Variants in CFAP54 observed in about 807,000 individuals in gnomAD.
The protein encoded by CFAP54 is cilia- and flagella-associated protein 54.
Under a neutral mutation model 370.4 loss-of-function variants are expected in CFAP54, and 290 were observed. That is an observed-to-expected ratio of 0.78 (90% confidence interval 0.71 to 0.86). The LOEUF is 0.86. CFAP54 is among the 40% of genes least tolerant of loss of function. The pLI is 0.00. For missense variants in CFAP54, 3,399 were observed against 3,528.7 expected (o/e 0.96, Z 0.93); for synonymous variants, 1,206 against 1,236.5 (o/e 0.98, Z 0.52).
chr12:96,580,765 T>G, intron 21 of CFAP54, 76 bp downstream of exon 21: 1 of 1,149,464 alleles, frequency 8.7e-7, no homozygotes, highest in Non-Finnish European at 1.2e-6. Flanking sequence ...AGTCATTGTT[T>G]TGGTGAATCT....
At chr12:96,776,013 G>A (rs1403806936) in intron 60 of CFAP54, among the ~76,000 whole-genome samples, 1 of 152,078 alleles carries the variant, frequency 6.6e-6, no homozygotes, top group Non-Finnish European at 1.5e-5. Context: ...GTATTGATAT[G>A]TGGGGTATGT....
intron 47 of CFAP54, among the ~76,000 whole-genome samples, chr12:96,706,597 G>A (rs1480672867): frequency 6.6e-6 from 1 of 152,142 alleles, no homozygotes; most frequent in Non-Finnish European, 1.5e-5. Flanking sequence ...GCTGTTATCT[G>A]AGCAAAATGA....
chr12:96,792,404 C>T lies in CFAP54; in HGVS notation c.8755C>T (p.Pro2919Ser). The T allele has an allele frequency of 6.5e-7, 1 of 1,535,818 alleles. No homozygotes were observed. Among genetic ancestry groups the T allele is most frequent in the East Asian group, 2.4e-5 (1 of 40,888 alleles). The change falls in exon 63 of 68, where the codon CCA (proline) becomes TCA (serine). Residue 2919 changes from proline (P) to serine (S), a missense_variant. Pro to Ser is a moderately conservative substitution (Grantham distance 74). Around this residue, in one of 3 missense-constraint regions of CFAP54, gnomAD observed 2,796 missense variants for 2,869.7 expected, o/e 0.97. Coordinates refer to ENST00000524981, the MANE Select transcript of CFAP54 (RefSeq NM_001306084.2). ...AGGCTCATCTTGTGTGGACATAACGCCAATAGAAATGGTAACGCAAGCTTC... is the reference window on the plus strand; with the variant it reads ...AGGCTCATCTTGTGTGGACATAACGTCAATAGAAATGGTAACGCAAGCTTC... ...VSGSSCVDIT[P>S]IEMVTQASNK...
Position 96,685,200 on chromosome 12 carries a change from G to A in CFAP54, c.5976G>A (p.Gly1992=), listed in dbSNP as rs761930475. ...EEFLSRVGIW[G]CLQGAVISAK... ...TTCTGTCAAGAGTTGGCATCTGGGG[G>A]TGTTTGCAAGGAGCAGTCATATCAG... The change falls in exon 42 of 68, where the codon GGG becomes GGA. Residue 1992 remains glycine (G), a synonymous_variant. Coordinates refer to ENST00000524981, the MANE Select transcript of CFAP54 (RefSeq NM_001306084.2). 6 of 1,613,962 alleles carry A rather than the reference G, an allele frequency of 3.7e-6. No homozygotes were observed. The highest frequency in any genetic ancestry group is 3.3e-5 in the Admixed American group (2 of 59,992).
At chr12:96,552,876 TCCAATGAGGGG>T (rs1955710122) in intron 15 of CFAP54, among the ~76,000 whole-genome samples, 1 of 152,196 alleles carries the variant, frequency 6.6e-6, no homozygotes, top group African/African-American at 2.4e-5. Flanking sequence ...AAATTAGTCT[TCCAATGAGGGG>T]CATTTGCATG....
rs2077762 is a variant in CFAP54, at chr12:96,581,728, T to C, written c.3075+623T>C. Among the ~76,000 whole-genome samples, 1,265 of 152,086 alleles carry C rather than the reference T, an allele frequency of 8.3e-3. 24 individuals carry two copies. Among genetic ancestry groups the C allele is most frequent in the African/African-American group, 0.029 (1,221 of 41,516 alleles). On this transcript the variant is annotated intron_variant, in intron 22 of 67. Transcript: ENST00000524981. The stretch of plus-strand genomic sequence containing the variant: ...CGTGTATATGAATTTATGTACAATA[T>C]ATAATTTAAATCATAGTATACATAT...
intron 19 of CFAP54, among the ~76,000 whole-genome samples, chr12:96,565,908 G>A (rs961815688): frequency 6.6e-6 from 1 of 152,140 alleles, no homozygotes; most frequent in African/African-American, 2.4e-5. Flanking sequence ...GGGACGAGGT[G>A]GAGATAATTG....
chr12:96,825,103 T>A (rs1959071775), intron 65 of CFAP54, among the ~76,000 whole-genome samples: 1 of 150,548 alleles, frequency 6.6e-6, no homozygotes, highest in African/African-American at 2.4e-5. Context: ...CACTATTTTT[T>A]TCAAGGCTCA....
At chr12:96,572,072 C>T (rs1253245152) in intron 19 of CFAP54, among the ~76,000 whole-genome samples, 2 of 152,056 alleles carry the variant, frequency 1.3e-5, no homozygotes, top group Non-Finnish European at 2.9e-5. Context: ...TTAAATATGC[C>T]ATCTTAAAAG....
chr12:96,828,487 T>C (rs1323897957), intron 65 of CFAP54, among the ~76,000 whole-genome samples: 1 of 152,112 alleles, frequency 6.6e-6, no homozygotes, highest in Admixed American at 6.6e-5. Flanking sequence ...TCAATACTGA[T>C]TGTATGTCTC....
In CFAP54 at chr12:96,753,855, A is replaced by T; in HGVS notation, c.7797A>T (p.Ala2599=). Residue 2599 remains alanine (A), a synonymous_variant, in exon 56 of 68, where the codon GCA becomes GCT. Coordinates refer to ENST00000524981, the MANE Select transcript of CFAP54 (RefSeq NM_001306084.2). ...DVALKLCRTT[A]VEEHEVEAEI... is the part of the protein sequence containing the mutation. ...CACTGAAGCTCTGTAGAACAACAGC[A>T]GTGGAGGAACATGAGGTGGAAGCTG... 6.2e-7 allele frequency: 1 copy of T among 1,613,966 alleles called. No homozygotes were observed. The highest frequency in any genetic ancestry group is 1.7e-5 in the Admixed American group (1 of 60,020).
At chr12:96,660,762 G>A (rs1156487782) in intron 38 of CFAP54, among the ~76,000 whole-genome samples, 1 of 152,058 alleles carries the variant, frequency 6.6e-6, no homozygotes, top group Non-Finnish European at 1.5e-5. Context: ...CAGAGGTTGG[G>A]GGCTCTGTTC....
intron 3 of CFAP54, 46 bp downstream of exon 3, chr12:96,504,075 A>G: frequency 4.8e-6 from 7 of 1,445,442 alleles, no homozygotes; most frequent in Non-Finnish European, 6.3e-6. Context: ...ATGATTAGCT[A>G]TACAATGTAT....
chr12:96,744,783 GGTTTCC>G (rs1958093330), intron 55 of CFAP54, among the ~76,000 whole-genome samples: 1 of 152,110 alleles, frequency 6.6e-6, no homozygotes, highest in African/African-American at 2.4e-5. Flanking sequence ...GTGCCATGAT[GGTTTCC>G]TGCACAGATC....
intron 17 of CFAP54, among the ~76,000 whole-genome samples, chr12:96,555,181 T>C (rs1239567036): frequency 6.6e-6 from 1 of 151,976 alleles, no homozygotes; most frequent in Admixed American, 6.6e-5. Flanking sequence ...ACCATATCAG[T>C]TGAGGTTGAT....
chr12:96,719,215 A>G (rs977640827), intron 49 of CFAP54, among the ~76,000 whole-genome samples: 3 of 152,174 alleles, frequency 2.0e-5, no homozygotes, highest in Non-Finnish European at 2.9e-5. Context: ...GCTGTGCTGA[A>G]CCATGAGAAA....
At chr12:96,822,404 G>A (rs1277542849) in intron 65 of CFAP54, among the ~76,000 whole-genome samples, 1 of 152,140 alleles carries the variant, frequency 6.6e-6, no homozygotes, top group African/African-American at 2.4e-5. Context: ...TTAATATATA[G>A]GGAGTATATC....
chr12:96,521,633 T>C (rs1275706118), intron 6 of CFAP54, among the ~76,000 whole-genome samples: 1 of 152,054 alleles, frequency 6.6e-6, no homozygotes, highest in Non-Finnish European at 1.5e-5. Flanking sequence ...TATTTCAGCT[T>C]TCCTTTTTAA....
intron 50 of CFAP54, among the ~76,000 whole-genome samples, chr12:96,729,371 AG>A (rs1373349506): frequency 1.3e-5 from 2 of 152,224 alleles, no homozygotes; most frequent in African/African-American, 4.8e-5. Flanking sequence ...TACCTAAGCA[AG>A]CCTGGGCAAT....
Sources: gnomAD v4.1 joint callset for allele counts (sites outside exome capture counted in the v4.1 genomes callset) on GRCh38, gnomAD v4.1.1 for gene constraint, gnomAD v4.1.1 regional missense constraint, MANE v1.5 for transcripts, NCBI Gene and HGNC (gene_info 2026-07-23, HGNC 2026-07-21) for gene names.